NEB: variants seen among roughly 807,000 people sequenced by gnomAD.
The protein encoded by NEB is nebulin, also known as nemaline myopathy type 2.
Under a neutral mutation model 952.2 loss-of-function variants are expected in NEB, and 512 were observed. The ratio of observed to expected loss-of-function variants is 0.54; its 90% CI spans 0.50 to 0.58. The LOEUF is 0.58. Among genes scored for constraint, NEB ranks in the 20% least tolerant of loss-of-function variants. The pLI is 0.00. For missense variants in NEB, 8,428 were observed against 9,231.1 expected (o/e 0.91, Z 3.56); for synonymous variants, 2,900 against 3,149.8 (o/e 0.92, Z 2.66).
intron 128 of NEB, among the ~76,000 whole-genome samples, chr2:151,552,315 C>G (rs1240554295): frequency 6.6e-6 from 1 of 152,184 alleles, no homozygotes; most frequent in East Asian, 1.9e-4. Flanking sequence ...CTCCACAACT[C>G]TAACTCCAGA....
intron 157 of NEB, 27 bp downstream of exon 157, chr2:151,516,432 T>A (rs201482825): frequency 2.1e-6 from 3 of 1,460,492 alleles, no homozygotes; most frequent in Non-Finnish European, 2.9e-6. Flanking sequence ...TGGATCATTG[T>A]TGTGTGGTGT....
intron 162 of NEB, 189 bp from the exon 163 acceptor site, chr2:151,507,202 CAT>C (rs1047772060): frequency 8.0e-5 from 43 of 540,048 alleles, no homozygotes; most frequent in Non-Finnish European, 1.3e-4. Flanking sequence ...TTTTAAAAAA[CAT>C]ATAAAGCTAG....
chr2:151,508,047 TG>T lies in NEB; in HGVS notation c.23408del (p.Pro7803GlnfsTer41). 1 of 1,611,268 alleles carries T rather than the reference TG, an allele frequency of 6.2e-7. No individual in the cohort carries two copies. The highest frequency in any genetic ancestry group is 8.5e-7 in the Non-Finnish European group (1 of 1,178,626). Reference protein sequence around the residue: ...MSYYETVLDTPEIQRVRENQK... With the variant: ...MSYYETVLDTXEIQRVRENQK... ...GGTTCTCCCGGACTCTCTGTATCTC[TG>T]GGGTGTCCAAAACAGTCTCATAATA... On this transcript the variant is annotated frameshift_variant, in exon 162 of 182. Transcript: ENST00000397345. LOFTEE classifies it high-confidence loss of function.
At position 151,733,102 on chromosome 2, in the gene NEB, T is replaced by C; in HGVS notation, c.36+19A>G. ...TACATAAAATAGTTTGCTGTCAGTGTTTTTTTTTTAAATCTTACCTCCACC... is the reference window on the plus strand; with the variant it reads ...TACATAAAATAGTTTGCTGTCAGTGCTTTTTTTTTAAATCTTACCTCCACC... On this transcript the variant is annotated intron_variant, in intron 3 of 181. Coordinates refer to ENST00000397345, the MANE Select transcript of NEB (RefSeq NM_001164508.2). 2 of 1,453,582 alleles carry C rather than the reference T, an allele frequency of 1.4e-6. No homozygotes were observed. Among genetic ancestry groups the C allele is most frequent in the Non-Finnish European group, 1.9e-6 (2 of 1,076,888 alleles). 90.0% of individuals were successfully genotyped at this position (1,453,582 alleles called of 1,614,324 possible).
At chr2:151,609,689 A>T in intron 81 of NEB, 120 bp downstream of exon 81, 1 of 856,054 alleles carries the variant, frequency 1.2e-6, no homozygotes, top group Non-Finnish European at 1.7e-6. Context: ...TGGTACCCCC[A>T]GCCCCACCCC....
At chr2:151,674,711 A>T (rs1423571446) in intron 35 of NEB, 127 bp from the exon 36 acceptor site, 15 of 680,674 alleles carry the variant, frequency 2.2e-5, no homozygotes, top group Non-Finnish European at 3.9e-5. Context: ...AGGAAATCAC[A>T]TTGGCAAAGT....
chr2:151,503,071 G>A, intron 166 of NEB, 186 bp from the exon 167 acceptor site: 1 of 580,672 alleles, frequency 1.7e-6, no homozygotes, highest in Non-Finnish European at 3.0e-6. Flanking sequence ...TTCTGGAAAT[G>A]AAAAAGTACA....
At position 151,662,006 on chromosome 2, in the gene NEB, C is replaced by G. The variant is rs1331460832; in HGVS notation, c.5970+129G>C. ...TCTTTTTTTTTTTAACGACAAGACT[C>G]TTTTTCTAGGTAAAATAACCTCAAG... On this transcript the variant is annotated intron_variant, in intron 46 of 181. Transcript: ENST00000397345. The G allele has an allele frequency of 2.3e-5, 16 of 701,756 alleles. No homozygotes were observed. In the Admixed American group the frequency reaches 5.1e-4, roughly 23 times the overall value. 43.5% of individuals were successfully genotyped at this position (701,756 alleles called of 1,614,324 possible).
chr2:151,627,954 A>AT, intron 68 of NEB, 120 bp from the exon 69 acceptor site: 1 of 1,295,898 alleles, frequency 7.7e-7, no homozygotes, highest in Non-Finnish European at 1.0e-6. Flanking sequence ...AAGAATCTGC[A>AT]TATCAGTTTA....
At position 151,581,505 on chromosome 2, in the gene NEB, A is replaced by G; in HGVS notation, c.16262T>C (p.Ile5421Thr). The G allele has an allele frequency of 2.8e-6, 3 of 1,057,324 alleles. No homozygotes were observed. The highest frequency in any genetic ancestry group is 4.3e-5 in the African/African-American group (2 of 46,636). The allele number at this position is 1,057,324 out of a possible 1,614,324, so 65.5% of individuals were successfully genotyped here. ...ADTPLMLQSK[I>T]NALQISNKRY... ...TACATTGCTGATCTGCAGGGCATTG[A>G]TTTTGGATTGCAGCATCAGGGGAGT... Residue 5421 changes from isoleucine to threonine, a missense_variant, in exon 103 of 182, where the codon ATC (isoleucine) becomes ACC (threonine). Coordinates refer to ENST00000397345, the MANE Select transcript of NEB (RefSeq NM_001164508.2).
chr2:151,681,935 A>C (rs940899685), intron 29 of NEB, among the ~76,000 whole-genome samples: 5 of 152,208 alleles, frequency 3.3e-5, no homozygotes, highest in African/African-American at 1.2e-4. Flanking sequence ...CATATCCCCC[A>C]ACCGGTGAAG....
chr2:151,502,741 T>C, intron 167 of NEB, 52 bp downstream of exon 167: 1 of 984,528 alleles, frequency 1.0e-6, no homozygotes. Context: ...AAGGTGTTAT[T>C]ATTTTAAATA....
intron 111 of NEB, 72 bp downstream of exon 111, chr2:151,568,546 T>C (rs2096513542): frequency 7.0e-7 from 1 of 1,428,294 alleles, no homozygotes; most frequent in African/African-American, 1.4e-5. Flanking sequence ...GCATTCTGAG[T>C]GTAAGTAGAT....
chr2:151,658,172 G>T, intron 47 of NEB, 82 bp from the exon 48 acceptor site: 1 of 1,057,940 alleles, frequency 9.5e-7, no homozygotes, highest in Non-Finnish European at 1.4e-6. Flanking sequence ...TACCACTGTG[G>T]CGTCTTTTTT....
intron 77 of NEB, 82 bp downstream of exon 77, chr2:151,614,194 C>A: frequency 2.0e-6 from 3 of 1,506,586 alleles, no homozygotes; most frequent in East Asian, 2.3e-5. Context: ...GTAGGTTTCA[C>A]CAGACTGTGG....
intron 181 of NEB, among the ~76,000 whole-genome samples, chr2:151,489,693 A>G (rs2054503844): frequency 6.6e-6 from 1 of 152,160 alleles, no homozygotes; most frequent in South Asian, 2.1e-4. Context: ...CACTATGCCC[A>G]GCAAATGTTT....
At chr2:151,542,740 G>A (rs1484327445) in intron 135 of NEB, among the ~76,000 whole-genome samples, 4 of 152,188 alleles carry the variant, frequency 2.6e-5, no homozygotes, top group South Asian at 2.1e-4. Flanking sequence ...ACCACCCCAC[G>A]TGAGTCACCC....
chr2:151,543,417 T>G (rs1043216822), intron 135 of NEB, among the ~76,000 whole-genome samples: 6 of 152,194 alleles, frequency 3.9e-5, no homozygotes, highest in African/African-American at 1.4e-4. Flanking sequence ...TTGAAAGAGA[T>G]AAACTAAATG....
chr2:151,734,211 C>G (rs190717362), intron 1 of NEB, among the ~76,000 whole-genome samples, 187 bp downstream of exon 1: 62 of 152,270 alleles, frequency 4.1e-4, no homozygotes, highest in Non-Finnish European at 8.4e-4. Context: ...GGACTTGACT[C>G]TAATCACACA....
Sources: gnomAD v4.1 joint callset for allele counts (sites outside exome capture counted in the v4.1 genomes callset) on GRCh38, gnomAD v4.1.1 for gene constraint, MANE v1.5 for transcripts, NCBI Gene and HGNC (gene_info 2026-07-23, HGNC 2026-07-21) for gene names.